The following PCDH10 variants were observed in gnomAD, a reference collection of about 807,000 sequenced individuals.
PCDH10 encodes protocadherin 10.
Under a neutral mutation model 74.4 loss-of-function variants are expected in PCDH10, and 15 were observed. That is an observed-to-expected ratio of 0.20 (90% CI 0.13 to 0.31). The LOEUF (loss-of-function observed/expected upper bound fraction) is 0.31. Ranked by LOEUF, PCDH10 falls within the 10% of genes least tolerant of loss-of-function variation. The pLI is 1.00. For missense variants in PCDH10, 1,260 were observed against 1,390.2 expected (o/e 0.91, Z 1.49); for synonymous variants, 619 against 589.8 (o/e 1.05, Z -0.72).
intron 4 of PCDH10, among the ~76,000 whole-genome samples, chr4:133,170,723 C>G (rs1372358960): frequency 6.6e-6 from 1 of 152,076 alleles, no homozygotes; most frequent in Non-Finnish European, 1.5e-5. Flanking sequence ...TGAAGTCTCT[C>G]TCTCTGTCAC....
downstream of PCDH10, among the ~76,000 whole-genome samples, chr4:133,196,912 G>T (rs949463365): frequency 1.3e-5 from 2 of 152,294 alleles, no homozygotes; most frequent in Non-Finnish European, 1.5e-5. Context: ...GTTACCAAAA[G>T]TATAGAATAT....
chr4:133,205,930 C>T (rs1727995340), intron 2 of PCDH10, among the ~76,000 whole-genome samples: 1 of 151,996 alleles, frequency 6.6e-6, no homozygotes, highest in African/African-American at 2.4e-5. Flanking sequence ...AATAGTGTCT[C>T]CTAGAATTAT....
intron 4 of PCDH10, among the ~76,000 whole-genome samples, chr4:133,185,547 C>T (rs751608697): frequency 2.6e-5 from 4 of 152,090 alleles, no homozygotes; most frequent in East Asian, 1.9e-4. Context: ...TTACATAGAG[C>T]GGAGAGCAGA....
At chr4:133,187,188 A>T (rs1727561090) in intron 4 of PCDH10, among the ~76,000 whole-genome samples, 1 of 152,250 alleles carries the variant, frequency 6.6e-6, no homozygotes, top group African/African-American at 2.4e-5. Flanking sequence ...TGGATTAAAA[A>T]TATTTGGAAA....
intron 3 of PCDH10, among the ~76,000 whole-genome samples, chr4:133,158,400 AT>A (rs745848206): frequency 6.6e-6 from 1 of 152,150 alleles, no homozygotes; most frequent in Non-Finnish European, 1.5e-5. Flanking sequence ...CTTTAAAAAA[AT>A]ATGTTGAAGA....
At chr4:133,160,276 T>C (rs1303944714) in intron 3 of PCDH10, among the ~76,000 whole-genome samples, 5 of 151,980 alleles carry the variant, frequency 3.3e-5, no homozygotes, top group Non-Finnish European at 7.4e-5. Context: ...TATGAAGCTG[T>C]ATATTATTAC....
chr4:133,206,916 T>C (rs1164639738), intron 2 of PCDH10, among the ~76,000 whole-genome samples: 1 of 152,148 alleles, frequency 6.6e-6, no homozygotes, highest in Non-Finnish European at 1.5e-5. Flanking sequence ...TAGGGCTATA[T>C]AGAAAAGCAC....
Position 133,150,304 on chromosome 4 carries a change from C to T in PCDH10, c.164C>T (p.Thr55Met), listed in dbSNP as rs199719551. 1.9e-6 allele frequency: 3 copies of T among 1,613,676 alleles called. No individual in the cohort carries two copies. The highest frequency in any genetic ancestry group is 1.3e-5 in the African/African-American group (1 of 74,942). Reference protein sequence around the residue: ...ITKLSARGFQTVPNSRTPYLD... With the variant: ...ITKLSARGFQMVPNSRTPYLD... ...AAACTTTCGGCTCGCGGGTTTCAGA[C>T]GGTGCCCAACTCAAGGACCCCTTAC... The change falls in exon 1 of 5, where the codon ACG (threonine) becomes ATG (methionine). Residue 55 changes from threonine (T) to methionine (M), a missense_variant. By Grantham distance (81) the Thr-to-Met change is moderately conservative. Coordinates refer to ENST00000264360, the MANE Select transcript of PCDH10 (RefSeq NM_032961.3).
intron 2 of PCDH10, among the ~76,000 whole-genome samples, chr4:133,203,382 A>G (rs1458491864): frequency 2.0e-5 from 3 of 152,104 alleles, no homozygotes; most frequent in East Asian, 3.9e-4. Flanking sequence ...GAAAGCCTCA[A>G]ATAATTATCA....
intron 4 of PCDH10, among the ~76,000 whole-genome samples, chr4:133,163,500 A>G (rs1451554153): frequency 6.6e-6 from 1 of 152,214 alleles, no homozygotes; most frequent in Non-Finnish European, 1.5e-5. Context: ...CTTTCAAAAT[A>G]TAGGACTATA....
intron 2 of PCDH10, among the ~76,000 whole-genome samples, chr4:133,203,316 T>C (rs1727940933): frequency 6.6e-6 from 1 of 152,188 alleles, no homozygotes; most frequent in Admixed American, 6.5e-5. Flanking sequence ...TTCTTTTTCT[T>C]TCTTTTTTGT....
chr4:133,168,289 T>G (rs992726843), intron 4 of PCDH10, among the ~76,000 whole-genome samples: 1 of 151,442 alleles, frequency 6.6e-6, no homozygotes, highest in African/African-American at 2.4e-5. Context: ...GTCACTTCTG[T>G]AAGCAATTTT....
intron 2 of PCDH10, 144 bp from the exon 3 acceptor site, chr4:133,154,773 A>G (rs1726827621): frequency 3.2e-6 from 2 of 622,058 alleles, no homozygotes; most frequent in Non-Finnish European, 5.7e-6. Flanking sequence ...AGCTTAGGCT[A>G]TAAAAACTAG....
intron 3 of PCDH10, among the ~76,000 whole-genome samples, chr4:133,157,337 T>C (rs1445969171): frequency 1.3e-5 from 2 of 152,210 alleles, no homozygotes; most frequent in Non-Finnish European, 2.9e-5. Context: ...TAAAGACTTT[T>C]TTCAATCCAT....
intron 3 of PCDH10, among the ~76,000 whole-genome samples, chr4:133,161,720 TTTA>T (rs1277431902): frequency 6.6e-6 from 1 of 151,744 alleles, no homozygotes; most frequent in African/African-American, 2.4e-5. Context: ...TTAAAATTTT[TTTA>T]TTATTTTTTC....
intron 4 of PCDH10, among the ~76,000 whole-genome samples, chr4:133,185,755 C>T (rs1404056157): frequency 1.3e-5 from 2 of 152,030 alleles, no homozygotes; most frequent in Admixed American, 6.6e-5. Flanking sequence ...GGTGTCCTTT[C>T]TTTAAATTGC....
intron 4 of PCDH10, among the ~76,000 whole-genome samples, chr4:133,173,986 T>C (rs1184640388): frequency 6.6e-6 from 1 of 151,962 alleles, no homozygotes; most frequent in African/African-American, 2.4e-5. Flanking sequence ...AAGCTATTAT[T>C]ATACAACGAA....
In PCDH10 at chr4:133,158,007, G is replaced by T. The variant is rs184168895; in HGVS notation, c.2797+2984G>T. ...TGCTCTGTGGCACTTTCTTTCTATA[G>T]CCTTGTCAAGGTGCTTCCCGTTTTT... On this transcript the variant is annotated intron_variant, in intron 3 of 4. Transcript: ENST00000264360. 1.3e-3 allele frequency among the ~76,000 whole-genome samples: 205 copies of T among 152,082 alleles called. 1 individual carries two copies. Among genetic ancestry groups the T allele is most frequent in the Non-Finnish European group, 4.7e-4 (32 of 68,002 alleles).
At chr4:133,181,326 A>T (rs1263792532) in intron 4 of PCDH10, among the ~76,000 whole-genome samples, 2 of 151,988 alleles carry the variant, frequency 1.3e-5, no homozygotes, top group Non-Finnish European at 2.9e-5. Flanking sequence ...CTTAATTTTA[A>T]ATTATTTTGA....
Sources: gnomAD v4.1 joint callset for allele counts (sites outside exome capture counted in the v4.1 genomes callset) on GRCh38, gnomAD v4.1.1 for gene constraint, MANE v1.5 for transcripts, NCBI Gene and HGNC (gene_info 2026-07-23, HGNC 2026-07-21) for gene names.